NAV2: variants seen among roughly 807,000 people sequenced by gnomAD.
NAV2 encodes neuron navigator 2.
Under a neutral mutation model 223.2 loss-of-function variants are expected in NAV2, and 54 were observed. That is an observed-to-expected ratio of 0.24 (90% CI 0.19 to 0.30). The LOEUF (loss-of-function observed/expected upper bound fraction) is 0.30. Among genes scored for constraint, NAV2 ranks in the 10% least tolerant of loss-of-function variants. The probability of loss-of-function intolerance (pLI) is 1.00; values close to 1 mark genes in which losing one functional copy is unlikely to be tolerated. For missense variants in NAV2, 2,806 were observed against 3,147.5 expected (o/e 0.89, Z 2.60); for synonymous variants, 1,279 against 1,239.3 (o/e 1.03, Z -0.67).
At chr11:20,075,233 T>C (rs1267369230) in intron 22 of NAV2, among the ~76,000 whole-genome samples, 1 of 146,960 alleles carries the variant, frequency 6.8e-6, no homozygotes, top group Non-Finnish European at 1.5e-5. Flanking sequence ...TTTTTTTTTT[T>C]TTTGAGACAG....
At chr11:20,053,170 A>G (rs1429030489) in intron 17 of NAV2, among the ~76,000 whole-genome samples, 1 of 140,874 alleles carries the variant, frequency 7.1e-6, no homozygotes, top group African/African-American at 2.6e-5. Context: ...GTGAGCCGAG[A>G]TCATGCCACC....
chr11:20,014,637 C>T (rs912910466), intron 11 of NAV2, among the ~76,000 whole-genome samples: 7 of 152,184 alleles, frequency 4.6e-5, no homozygotes, highest in African/African-American at 1.7e-4. Flanking sequence ...TGCAGTGGCT[C>T]ATGCCTGTAT....
At chr11:19,943,012 G>A (rs1010014438) in intron 8 of NAV2, among the ~76,000 whole-genome samples, 2 of 152,170 alleles carry the variant, frequency 1.3e-5, no homozygotes, top group Non-Finnish European at 2.9e-5. Flanking sequence ...ATTTCTAACG[G>A]AGGGTTAAGA....
intron 1 of NAV2, among the ~76,000 whole-genome samples, chr11:19,581,421 C>A (rs1169742853): frequency 6.6e-6 from 1 of 152,022 alleles, no homozygotes; most frequent in Non-Finnish European, 1.5e-5. Context: ...GCACAACGTG[C>A]AGGTTTGTTA....
At chr11:19,430,704 A>G (rs1007634414) in intron 1 of NAV2, among the ~76,000 whole-genome samples, 2 of 144,818 alleles carry the variant, frequency 1.4e-5, no homozygotes, top group African/African-American at 2.4e-5. Context: ...ACATCCAGTT[A>G]AGAAGATATG....
intron 11 of NAV2, chr11:20,022,949 G>T: frequency 7.6e-7 from 1 of 1,323,264 alleles, no homozygotes; most frequent in East Asian, 2.6e-5. Context: ...CTGGGGAATG[G>T]TGATCCCTGC....
chr11:19,346,649 C>T (rs1853030220), upstream of NAV2, among the ~76,000 whole-genome samples: 1 of 152,234 alleles, frequency 6.6e-6, no homozygotes, highest in South Asian at 2.1e-4. Flanking sequence ...GCACGCTCCG[C>T]TCGCTCGCAG....
chr11:19,380,656 T>G (rs1328457833), intron 1 of NAV2: 1 of 152,260 alleles, frequency 6.6e-6, no homozygotes, highest in Non-Finnish European at 1.5e-5. Flanking sequence ...AGGTACACCC[T>G]CTGTCTGGAT....
intron 8 of NAV2, 138 bp downstream of exon 8, chr11:19,939,911 CT>C (rs11423145): frequency 3.4e-4 from 130 of 378,862 alleles, no homozygotes; most frequent in South Asian, 8.6e-4. Flanking sequence ...AACTTTCTTT[CT>C]TTTTTTTTTT....
At chr11:20,025,676 G>A (rs975464362) in intron 11 of NAV2, among the ~76,000 whole-genome samples, 1 of 152,234 alleles carries the variant, frequency 6.6e-6, no homozygotes, top group Non-Finnish European at 1.5e-5. Context: ...ACTCAAGCCT[G>A]ATGGCTGCTA....
intron 1 of NAV2, chr11:19,511,754 T>C (rs1433966316): frequency 6.6e-6 from 1 of 152,052 alleles, no homozygotes; most frequent in Non-Finnish European, 1.5e-5. Flanking sequence ...TGAGAGAACC[T>C]CTTGTTGCCC....
rs186998228 is a variant in NAV2, at chr11:20,118,474, C to A, written c.*216C>A. ...TCCTTCCACAGCGAGAACTGCACTA[C>A]CTTCTGTTGTACTTTAATTATTGTT... On this transcript the variant is annotated 3_prime_UTR_variant, in exon 38 of 38. Transcript: ENST00000349880. 3.7e-4 allele frequency: 205 copies of A among 557,476 alleles called. 1 individual carries two copies. In the East Asian group the frequency reaches 4.9e-3, roughly 13 times the overall value. 34.5% of individuals were successfully genotyped at this position (557,476 alleles called of 1,614,324 possible). A position where few individuals can be genotyped will look rare whatever the true frequency, so the allele number is the denominator to read the frequency against.
At chr11:19,622,437 C>T (rs2047026090) in intron 1 of NAV2, among the ~76,000 whole-genome samples, 1 of 152,124 alleles carries the variant, frequency 6.6e-6, no homozygotes, top group African/African-American at 2.4e-5. Flanking sequence ...AATCTGGGTG[C>T]TCCTGTATTG....
intron 1 of NAV2, among the ~76,000 whole-genome samples, chr11:19,554,839 C>T (rs1445007407): frequency 2.6e-5 from 4 of 151,864 alleles, no homozygotes; most frequent in East Asian, 3.9e-4. Flanking sequence ...GGTGGCTACT[C>T]GGGAGGCTGA....
intron 1 of NAV2, among the ~76,000 whole-genome samples, chr11:19,722,235 C>A (rs1310123913): frequency 6.6e-6 from 1 of 152,172 alleles, no homozygotes; most frequent in Non-Finnish European, 1.5e-5. Flanking sequence ...TCACAAGATT[C>A]AGTTTCATTT....
At chr11:19,885,086 T>G (rs1032233967) in intron 5 of NAV2, among the ~76,000 whole-genome samples, 2 of 152,244 alleles carry the variant, frequency 1.3e-5, no homozygotes, top group South Asian at 2.1e-4. Context: ...TCATTGCTTC[T>G]ACTGTTATTT....
rs117030528 is a variant in NAV2 at position 19,419,849 on chromosome 11, G to A, written c.75+68822G>A. Among the ~76,000 whole-genome samples, 44 of 152,254 alleles carry A rather than the reference G, an allele frequency of 2.9e-4. No homozygotes were observed. In the East Asian group the frequency reaches 6.8e-3, roughly 23 times the overall value. On this transcript the variant is annotated intron_variant, in intron 1 of 37. Coordinates refer to the NAV2 transcript ENST00000360655. ...AGAAGGTAGGCCTGAAGTTTGCGTC[G>A]GGTACATACTTGGAAAGTTATGTAA...
chr11:19,684,941 G>C (rs550065221), intron 1 of NAV2, among the ~76,000 whole-genome samples: 1 of 152,314 alleles, frequency 6.6e-6, no homozygotes, highest in African/African-American at 2.4e-5. Context: ...TGCTCAGTGA[G>C]TGCTGATTTC....
chr11:19,597,531 A>T (rs368102344), intron 1 of NAV2, among the ~76,000 whole-genome samples: 1 of 152,210 alleles, frequency 6.6e-6, no homozygotes, highest in African/African-American at 2.4e-5. Flanking sequence ...CTCCAACAAC[A>T]GTCCCTTCCA....
Sources: gnomAD v4.1 joint callset for allele counts (sites outside exome capture counted in the v4.1 genomes callset) on GRCh38, gnomAD v4.1.1 for gene constraint, MANE v1.5 for transcripts, NCBI Gene and HGNC (gene_info 2026-07-23, HGNC 2026-07-21) for gene names.